The following NTNG2 variants were observed in gnomAD, a reference collection of about 807,000 sequenced individuals.
The protein encoded by NTNG2 is netrin-G2.
Under a neutral mutation model 47.6 loss-of-function variants are expected in NTNG2, and 15 were observed. The observed-to-expected ratio is 0.32, with a 90% CI of 0.21 to 0.49. The LOEUF is 0.49. Ranked by LOEUF, NTNG2 falls within the 20% of genes least tolerant of loss-of-function variation. The pLI is 0.99. For synonymous variants in NTNG2, 307 were observed against 324.6 expected (o/e 0.95, Z 0.58); for missense variants, 578 against 764.6 (o/e 0.76, Z 2.88).
At chr9:132,200,064 A>G (rs1589446601) in intron 3 of NTNG2, among the ~76,000 whole-genome samples, 3 of 152,252 alleles carry the variant, frequency 2.0e-5, no homozygotes, top group East Asian at 3.8e-4. Flanking sequence ...GGTAACAAGC[A>G]TAAGTCTCTT....
At chr9:132,187,574 A>T (rs1006002158) in intron 2 of NTNG2, among the ~76,000 whole-genome samples, 2 of 37,434 alleles carry the variant, frequency 5.3e-5, no homozygotes, top group Non-Finnish European at 9.6e-5. Flanking sequence ...GGAGCAAGAG[A>T]GAGAGAGAGA....
intron 3 of NTNG2, among the ~76,000 whole-genome samples, chr9:132,211,843 G>A (rs537096946): frequency 6.6e-6 from 1 of 152,180 alleles, no homozygotes; most frequent in Non-Finnish European, 1.5e-5. Flanking sequence ...AGGGAGCAGG[G>A]ATGGGGTCTG....
In NTNG2 at chr9:132,236,059, C is replaced by T. The variant is rs1017353682; in HGVS notation, c.1055-3045C>T. On this transcript the variant is annotated intron_variant, in intron 5 of 7. Coordinates refer to ENST00000393229, the MANE Select transcript of NTNG2 (RefSeq NM_032536.4). The surrounding 1 kb of genome is among the most constrained non-coding windows in gnomAD (Gnocchi z 4.3). ...AGTCTGGTAGAGGCCCCGCCTCCCA[C>T]GACAGGAACCCCCCTCTCCAGCTGC... 1.8e-4 allele frequency among the ~76,000 whole-genome samples: 27 copies of T among 152,236 alleles called. No homozygotes were observed. The highest frequency in any genetic ancestry group is 4.6e-4 in the Admixed American group (7 of 15,288).
intron 3 of NTNG2, among the ~76,000 whole-genome samples, chr9:132,216,134 G>A (rs936091339): frequency 6.6e-6 from 1 of 152,172 alleles, no homozygotes; most frequent in Admixed American, 6.5e-5. Context: ...GCTACCTGGT[G>A]CTGCAGCCCA....
intron 5 of NTNG2, among the ~76,000 whole-genome samples, chr9:132,234,387 G>A (rs117074616): frequency 0.013 from 1,932 of 152,318 alleles, 22 homozygotes; most frequent in Non-Finnish European, 0.02. Flanking sequence ...GGAGCAGACC[G>A]GGCTTCCATG....
At chr9:132,240,457 G>T (rs529200857) in intron 6 of NTNG2, among the ~76,000 whole-genome samples, 1 of 152,210 alleles carries the variant, frequency 6.6e-6, no homozygotes, top group Non-Finnish European at 1.5e-5. Context: ...GGCCCACCCC[G>T]GGAGCAGGAA....
At position 132,238,121 on chromosome 9, in the gene NTNG2, C is replaced by A. The variant is rs371534022; in HGVS notation, c.1055-983C>A. On this transcript the variant is annotated intron_variant, in intron 5 of 7. Coordinates refer to ENST00000393229, the MANE Select transcript of NTNG2 (RefSeq NM_032536.4). ...GTCCTTCCTTGTTCGGGGGCAGCCA[C>A]ATTGGCTTTCTTGCTGGAGGGTGGG... Among the ~76,000 whole-genome samples, 18 of 110,132 alleles carry A rather than the reference C, an allele frequency of 1.6e-4. No individual in the cohort carries two copies. The South Asian group carries it at 3.8e-3, about 23-fold the overall frequency. The allele number at this position is 110,132 out of a possible 152,430, so 72.3% of individuals were successfully genotyped here.
chr9:132,206,104 G>C (rs2130791563), intron 3 of NTNG2, among the ~76,000 whole-genome samples: 1 of 152,240 alleles, frequency 6.6e-6, no homozygotes. Context: ...TCCAGAGAGA[G>C]GAGCCACAAC....
At chr9:132,232,109 G>A (rs1441886498) in intron 5 of NTNG2, 1 of 152,340 alleles carries the variant, frequency 6.6e-6, no homozygotes, top group Non-Finnish European at 1.5e-5. Flanking sequence ...CAGGAACTGA[G>A]AGGAAAGGTG....
In NTNG2 at chr9:132,242,148, G is replaced by A. The variant is rs1215628772; in HGVS notation, c.*37G>A. 48 of 1,009,804 alleles carry A rather than the reference G, an allele frequency of 4.8e-5. 1 individual carries two copies. In the Middle Eastern group the frequency reaches 1.7e-3, roughly 37 times the overall value. The allele number at this position is 1,009,804 out of a possible 1,614,324, so 62.6% of individuals were successfully genotyped here. ...AGGACGCTCCCCGCACCCGGAGGCC[G>A]GGGGTCCCGGGGTCCCGGGGCGGGG... On this transcript the variant is annotated 3_prime_UTR_variant, in exon 8 of 8. Coordinates refer to ENST00000393229, the MANE Select transcript of NTNG2 (RefSeq NM_032536.4). This position sits in a 1 kb window ranked among gnomAD's most constrained non-coding sequence, Gnocchi z 5.9.
intron 2 of NTNG2, among the ~76,000 whole-genome samples, chr9:132,189,095 T>TTTTTTTTTTTTTTTTTG (rs1837655604): frequency 1.4e-5 from 2 of 139,750 alleles, no homozygotes; most frequent in East Asian, 2.2e-4. Flanking sequence ...TTTTTTTTTT[T>TTTTTTTTTTTTTTTTTG]AGACAGGGTC....
Position 132,233,912 on chromosome 9 carries a change from C to T in NTNG2, c.1054+3317C>T, listed in dbSNP as rs549500140. On this transcript the variant is annotated intron_variant, in intron 5 of 7. Transcript: ENST00000393229. ...TTTCAGAAGAAAAAAGGGGCAGCTG[C>T]TCAAGGTCTCAGAATTATGGAGAGG... 7 of 152,224 alleles carry T rather than the reference C, an allele frequency of 4.6e-5. No homozygotes were observed. The South Asian group carries it at 1.5e-3, about 32-fold the overall frequency. The allele number at this position is 152,224 out of a possible 1,614,324, so 9.4% of individuals were successfully genotyped here. A position where few individuals can be genotyped will look rare whatever the true frequency, so the allele number is the denominator to read the frequency against.
In NTNG2 at chr9:132,226,147, G is replaced by T. The variant is rs903937442; in HGVS notation, c.858-702G>T. 6.6e-6 allele frequency among the ~76,000 whole-genome samples: 1 copy of T among 152,202 alleles called. No individual in the cohort carries two copies. Among genetic ancestry groups the T allele is most frequent in the African/African-American group, 2.4e-5 (1 of 41,448 alleles). On this transcript the variant is annotated intron_variant, in intron 3 of 7. Transcript: ENST00000393229. The surrounding 1 kb of genome is among the most constrained non-coding windows in gnomAD (Gnocchi z 4.8). ...CTCTCGTGAAATGCTTCTATAAAAAGAAGCTTCCCCTCATCAACTTTCGGT... is the reference window on the plus strand; with the variant it reads ...CTCTCGTGAAATGCTTCTATAAAAATAAGCTTCCCCTCATCAACTTTCGGT...
At position 132,238,789 on chromosome 9, in the gene NTNG2, G is replaced by A. The variant is rs1003847937; in HGVS notation, c.1055-315G>A. Among the ~76,000 whole-genome samples the A allele has an allele frequency of 8.5e-5, 13 of 152,228 alleles. No homozygotes were observed. In the East Asian group the frequency reaches 1.2e-3, roughly 14 times the overall value. On this transcript the variant is annotated intron_variant, in intron 5 of 7. Transcript: ENST00000393229. ...CCCCGGCATGTGGGCATCCTTCAGC[G>A]AGCGCTTGGCCCTGGTGCCCAGCCA...
chr9:132,224,030 C>G (rs10121025), intron 3 of NTNG2, among the ~76,000 whole-genome samples: 78,861 of 152,040 alleles, frequency 0.52, 20,941 homozygotes, highest in East Asian at 0.74. Context: ...ACTCTTGATC[C>G]TCCTTCAGGT....
rs1842097522 is a variant in NTNG2, at chr9:132,243,442, C to T, written c.*1331C>T. ...CAGCTTGGGAGTGGTGAGGAAGCTC[C>T]TAGATTCGGGGCTCATCCCCTGGGG... On this transcript the variant is annotated 3_prime_UTR_variant, in exon 8 of 8. Transcript: ENST00000393229. 6.6e-6 allele frequency: 1 copy of T among 152,226 alleles called. No individual in the cohort carries two copies. The highest frequency in any genetic ancestry group is 2.4e-5 in the African/African-American group (1 of 41,432). The allele number at this position is 152,226 out of a possible 1,614,324, so 9.4% of individuals were successfully genotyped here.
intron 3 of NTNG2, among the ~76,000 whole-genome samples, chr9:132,209,798 G>T (rs1188476204): frequency 6.6e-6 from 1 of 152,008 alleles, no homozygotes; most frequent in Admixed American, 6.5e-5. Context: ...GCAGAGAGAT[G>T]GGGTGTGAGC....
chr9:132,213,561 G>A (rs1304136454), intron 3 of NTNG2, among the ~76,000 whole-genome samples: 2 of 152,116 alleles, frequency 1.3e-5, no homozygotes, highest in Non-Finnish European at 2.9e-5. Flanking sequence ...GAAAGCGAGG[G>A]CCCTTGTTGC....
intron 2 of NTNG2, among the ~76,000 whole-genome samples, chr9:132,190,952 G>A (rs969080988): frequency 6.6e-5 from 10 of 152,196 alleles, no homozygotes; most frequent in African/African-American, 2.4e-4. Context: ...CAGAGAGATA[G>A]GAAAGCTGTA....
Sources: gnomAD v4.1 joint callset for allele counts (sites outside exome capture counted in the v4.1 genomes callset) on GRCh38, gnomAD v4.1.1 for gene constraint, Gnocchi (gnomAD v3.1) non-coding constraint, MANE v1.5 for transcripts, NCBI Gene and HGNC (gene_info 2026-07-23, HGNC 2026-07-21) for gene names.